The following DNAH2 variants were observed in gnomAD, a reference collection of about 807,000 sequenced individuals.
DNAH2 encodes dynein axonemal heavy chain 2, also known as axonemal beta dynein heavy chain 2.
Under a neutral mutation model 523.5 loss-of-function variants are expected in DNAH2, and 323 were observed. The observed-to-expected ratio is 0.62, with a 90% CI of 0.56 to 0.68. The LOEUF (loss-of-function observed/expected upper bound fraction) is 0.68, where lower values mean the gene tolerates loss of function less well. DNAH2 is among the 30% of genes least tolerant of loss of function. The probability of loss-of-function intolerance (pLI) is 0.00; values close to 1 mark genes in which losing one functional copy is unlikely to be tolerated. For missense variants in DNAH2, 4,907 were observed against 5,701.5 expected, an observed-to-expected ratio of 0.86 and a Z score of 4.49; for synonymous variants, 2,093 against 2,177.4, an observed-to-expected ratio of 0.96 and a Z score of 1.08.
chr17:7,748,701 G>T lies in DNAH2; in HGVS notation c.1904+5559G>T, dbSNP rs553985193. ...GGTAGAGATGGGTTTTCACCATGTT[G>T]CCCAGGCTGGTCTCGAACTCCTGAG... On this transcript the variant is annotated intron_variant, in intron 12 of 85. Coordinates refer to ENST00000572933, the MANE Select transcript of DNAH2 (RefSeq NM_020877.5). Among the ~76,000 whole-genome samples the T allele has an allele frequency of 9.2e-5, 14 of 151,940 alleles. No individual in the cohort carries two copies. The South Asian group carries it at 2.3e-3, about 25-fold the overall frequency.
In DNAH2 at chr17:7,821,204, C is replaced by A; in HGVS notation, c.11016-39C>A. On this transcript the variant is annotated intron_variant, in intron 72 of 85. Transcript: ENST00000572933. This position sits in a 1 kb window ranked among gnomAD's most constrained non-coding sequence, Gnocchi z 5.0. Reference sequence around the variant, plus strand: ...TTCGCATGGAGCATCAGCCCCCATTCCATGCTGCCCCTCCCTCTTCCCTGT... The same window carrying A: ...TTCGCATGGAGCATCAGCCCCCATTACATGCTGCCCCTCCCTCTTCCCTGT... 6.3e-7 allele frequency: 1 copy of A among 1,599,920 alleles called. No homozygotes were observed. Among genetic ancestry groups the A allele is most frequent in the Non-Finnish European group, 8.5e-7 (1 of 1,170,836 alleles).
chr17:7,723,262 A>G (rs1242945957), intron 2 of DNAH2, among the ~76,000 whole-genome samples: 10 of 105,724 alleles, frequency 9.5e-5, no homozygotes, highest in South Asian at 2.9e-4. Flanking sequence ...GAGCCACTGT[A>G]CCCGGCTTTT....
rs751204537 is a variant in DNAH2 at position 7,740,866 on chromosome 17, C to T, written c.1563C>T (p.Ser521=). 6.8e-6 allele frequency: 11 copies of T among 1,613,876 alleles called. No individual in the cohort carries two copies. The highest frequency in any genetic ancestry group is 2.7e-5 in the African/African-American group (2 of 74,920). ...KAVDLYMLFN[S]ELALVNRERN... ...TGGATCTCTACATGCTGTTCAATAG[C>T]GAGCTGGCCCTGGTGAACCGTGAAC... The change falls in exon 11 of 86, where the codon AGC becomes AGT. Residue 521 remains serine, a synonymous_variant. Transcript: ENST00000572933.
rs1212832524 is a variant in DNAH2 at position 7,818,910 on chromosome 17, T to TC, written c.10671-4dup. Reference sequence around the variant, plus strand: ...CCCTTGCTCCATGTGCCTCTGGGCCTCCCCCTAGGCTGCTGAATGAGGCCA... The same window carrying TC: ...CCCTTGCTCCATGTGCCTCTGGGCCTCCCCCCTAGGCTGCTGAATGAGGCCA... On this transcript the variant is annotated splice_polypyrimidine_tract_variant and intron_variant, in intron 70 of 85. Transcript: ENST00000572933. 1.9e-6 allele frequency: 3 copies of TC among 1,608,932 alleles called. No homozygotes were observed. The highest frequency in any genetic ancestry group is 2.5e-6 in the Non-Finnish European group (3 of 1,177,316).
In DNAH2 at chr17:7,818,310, A is replaced by G. The variant is rs2077743248; in HGVS notation, c.10388-2A>G. 6.2e-7 allele frequency: 1 copy of G among 1,613,994 alleles called. No homozygotes were observed. Among genetic ancestry groups the G allele is most frequent in the South Asian group, 1.1e-5 (1 of 91,052 alleles). ...TTGCCCCTGACCCTTCCGTGGATGCAGGTGGTCGGCTGTTGATGCGCATTG... is the reference window on the plus strand; with the variant it reads ...TTGCCCCTGACCCTTCCGTGGATGCGGGTGGTCGGCTGTTGATGCGCATTG... On this transcript the variant is annotated splice_acceptor_variant, in intron 68 of 85. Coordinates refer to ENST00000572933, the MANE Select transcript of DNAH2 (RefSeq NM_020877.5). LOFTEE classifies it high-confidence loss of function.
At position 7,800,864 on chromosome 17, in the gene DNAH2, C is replaced by G. The variant is rs1249202313; in HGVS notation, c.8700-714C>G. Among the ~76,000 whole-genome samples the G allele has an allele frequency of 4.2e-5, 6 of 143,008 alleles. No individual in the cohort carries two copies. In the East Asian group the frequency reaches 1.3e-3, roughly 31 times the overall value. 93.8% of individuals were successfully genotyped at this position (143,008 alleles called of 152,430 possible). A position where few individuals can be genotyped will look rare whatever the true frequency, so the allele number is the denominator to read the frequency against. ...CCTGGGCGAGAGTGAAAGACTCCGT[C>G]TCAAAAAAAAAAAAAAATTTTTTTT... On this transcript the variant is annotated intron_variant, in intron 56 of 85. Coordinates refer to ENST00000572933, the MANE Select transcript of DNAH2 (RefSeq NM_020877.5).
chr17:7,804,228 C>T, intron 58 of DNAH2, 28 bp from the exon 59 acceptor site: 2 of 1,612,478 alleles, frequency 1.2e-6, no homozygotes, highest in Middle Eastern at 1.8e-4. Flanking sequence ...CCCCGCCTCT[C>T]CACACCCTGT....
chr17:7,766,130 C>T (rs1188657838), intron 21 of DNAH2, among the ~76,000 whole-genome samples, 188 bp from the exon 22 acceptor site: 1 of 152,150 alleles, frequency 6.6e-6, no homozygotes, highest in Admixed American at 6.6e-5. Context: ...TCCTGACTCT[C>T]AAGCCACATT....
chr17:7,750,703 C>T (rs2075658769), intron 12 of DNAH2, among the ~76,000 whole-genome samples: 1 of 152,160 alleles, frequency 6.6e-6, no homozygotes, highest in African/African-American at 2.4e-5. Flanking sequence ...AAGAGGCTTA[C>T]TCACTTTGAA....
intron 33 of DNAH2, 150 bp downstream of exon 33, chr17:7,777,784 C>A: frequency 9.6e-7 from 1 of 1,046,920 alleles, no homozygotes; most frequent in Non-Finnish European, 1.4e-6. Flanking sequence ...CATCTCCTCC[C>A]CACAATCAGG....
rs773667857 is a variant in DNAH2, at chr17:7,778,111, C to G, written c.5282C>G (p.Thr1761Arg). 6.2e-7 allele frequency: 1 copy of G among 1,614,162 alleles called. No individual in the cohort carries two copies. The highest frequency in any genetic ancestry group is 1.1e-5 in the South Asian group (1 of 91,078). ...LDDCVIRQTN[T>R]QFQYNYEYLG... ...GACTGTGTCATCCGCCAGACCAACA[C>G]GCAATTTCAGTATAATTATGAGTAC... Residue 1761 changes from threonine (T) to arginine (R), a missense_variant, in exon 34 of 86, where the codon ACG becomes AGG. Around this residue, in one of 3 missense-constraint regions of DNAH2, gnomAD observed 2,806 missense variants for 3,190.8 expected, o/e 0.88. Transcript: ENST00000572933.
intron 5 of DNAH2, among the ~76,000 whole-genome samples, chr17:7,733,799 C>T (rs1193545775): frequency 6.6e-6 from 1 of 152,038 alleles, no homozygotes; most frequent in Non-Finnish European, 1.5e-5. Flanking sequence ...CTAATCCAGA[C>T]ACACTTTTCT....
Position 7,792,659 on chromosome 17 carries a change from C to T in DNAH2, c.7148C>T (p.Ala2383Val). Residue 2383 changes from alanine (A) to valine (V), a missense_variant and splice_region_variant, in exon 47 of 86, where the codon GCC (alanine) becomes GTC (valine). This residue lies in a region of DNAH2 where 2,806 missense variants were observed against 3,190.8 expected (regional missense o/e 0.88). Transcript: ENST00000572933. ...AGCCGGCCCCTGCTCTTCCCTAGCGCCCCCTTCTATAAGATCATGGTGCCC... is the reference window on the plus strand; with the variant it reads ...AGCCGGCCCCTGCTCTTCCCTAGCGTCCCCTTCTATAAGATCATGGTGCCC... ...LPKSWRYPPNAPFYKIMVPTV... is the reference protein window; with the variant it reads ...LPKSWRYPPNVPFYKIMVPTV... 6.2e-7 allele frequency: 1 copy of T among 1,613,684 alleles called. No individual in the cohort carries two copies. The highest frequency in any genetic ancestry group is 8.5e-7 in the Non-Finnish European group (1 of 1,179,838).
At position 7,831,103 on chromosome 17, in the gene DNAH2, C is replaced by T. The variant is rs1338012114; in HGVS notation, c.12248C>T (p.Thr4083Ile). Residue 4083 changes from threonine to isoleucine, a missense_variant, in exon 80 of 86, where the codon ACT (threonine) becomes ATT (isoleucine). Thr to Ile is a moderately conservative substitution (Grantham distance 89). Around this residue, in one of 3 missense-constraint regions of DNAH2, gnomAD observed 1,851 missense variants for 2,139.4 expected, o/e 0.87. Coordinates refer to ENST00000572933, the MANE Select transcript of DNAH2 (RefSeq NM_020877.5). The surrounding 1 kb of genome is among the most constrained non-coding windows in gnomAD (Gnocchi z 4.2). ...CTCCCTAGGTTGTCAGCACTGGAGA[C>T]TTATTTCATCCCCAAGGATGGCAGC... ...TPFHRLSALE[T>I]YFIPKDGSLA... The T allele has an allele frequency of 1.9e-6, 3 of 1,613,530 alleles. No individual in the cohort carries two copies. The highest frequency in any genetic ancestry group is 2.5e-6 in the Non-Finnish European group (3 of 1,180,008).
Position 7,774,839 on chromosome 17 carries a change from C to A in DNAH2, c.4582C>A (p.Arg1528=). The change falls in exon 29 of 86, where the codon CGA becomes AGA. Residue 1528 remains arginine, a synonymous_variant. Transcript: ENST00000572933. ...KSLDMYLETK[R]HIFPRFYFLS... ...TCTGGATATGTATTTAGAGACCAAG[C>A]GACATATTTTCCCCCGCTTCTACTT... 6.2e-7 allele frequency: 1 copy of A among 1,614,188 alleles called. No individual in the cohort carries two copies. The highest frequency in any genetic ancestry group is 1.1e-5 in the South Asian group (1 of 91,088).
At chr17:7,724,546 G>A (rs2074732123) in intron 3 of DNAH2, among the ~76,000 whole-genome samples, 1 of 151,930 alleles carries the variant, frequency 6.6e-6, no homozygotes, top group Non-Finnish European at 1.5e-5. Flanking sequence ...TTGAACCCGA[G>A]GGCAGAGGTT....
Position 7,733,179 on chromosome 17 carries a change from G to A in DNAH2, c.492G>A (p.Arg164=), listed in dbSNP as rs117035657. ...FEATVQFGTV[R]GPYIPALLRL... Reference sequence around the variant, plus strand: ...CAACTGTGCAGTTTGGGACGGTGCGGGGCCCCTATATCCCGGCCCTGCTTC... The same window carrying A: ...CAACTGTGCAGTTTGGGACGGTGCGAGGCCCCTATATCCCGGCCCTGCTTC... The change falls in exon 5 of 86, where the codon CGG becomes CGA. Residue 164 remains arginine, a synonymous_variant. Transcript: ENST00000572933. 17,651 of 1,614,168 alleles carry A rather than the reference G, an allele frequency of 0.011. 135 individuals are homozygous for A. The highest frequency in any genetic ancestry group is 0.013 in the Non-Finnish European group (15,179 of 1,180,020).
intron 4 of DNAH2, among the ~76,000 whole-genome samples, chr17:7,730,800 CA>C (rs950619747): frequency 3.2e-4 from 46 of 144,540 alleles, no homozygotes; most frequent in Admixed American, 4.2e-4. Flanking sequence ...GAGTCTGTCT[CA>C]AAAAAAAAAA....
At chr17:7,826,830 G>A (rs1324655268) in intron 77 of DNAH2, among the ~76,000 whole-genome samples, 3 of 151,838 alleles carry the variant, frequency 2.0e-5, no homozygotes, top group African/African-American at 7.3e-5. Context: ...ATGAGTCACC[G>A]CACCCGGCCC....
Sources: allele counts gnomAD v4.1 joint callset (sites outside exome capture counted in the v4.1 genomes callset), GRCh38; gene constraint gnomAD v4.1.1; regional missense constraint gnomAD v4.1.1; non-coding constraint Gnocchi (gnomAD v3.1); transcripts MANE v1.5; gene names NCBI Gene and HGNC (gene_info 2026-07-23, HGNC 2026-07-21).